EHMT1: variants seen among roughly 807,000 people sequenced by gnomAD.
The protein encoded by EHMT1 is euchromatic histone lysine methyltransferase 1.
EHMT1 carries 15 observed loss-of-function variants against 147.2 expected under a neutral mutation model. The observed-to-expected ratio is 0.10, with a 90% CI of 0.07 to 0.16. The LOEUF is 0.16. EHMT1 is among the 10% of genes least tolerant of loss of function. The pLI is 1.00. For missense variants in EHMT1, 1,587 were observed against 1,772.4 expected (o/e 0.90, Z 1.88); for synonymous variants, 795 against 709.6 (o/e 1.12, Z -1.91).
chr9:137,830,260 C>T (rs1283803993), intron 25 of EHMT1, among the ~76,000 whole-genome samples: 1 of 152,174 alleles, frequency 6.6e-6, no homozygotes, highest in Non-Finnish European at 1.5e-5. Flanking sequence ...ACCCAGGCCT[C>T]CCTTATGTTC....
chr9:137,697,975 C>A (rs937939831), intron 1 of EHMT1, among the ~76,000 whole-genome samples: 1 of 149,432 alleles, frequency 6.7e-6, no homozygotes, highest in Non-Finnish European at 1.5e-5. Context: ...AGGCCTCACT[C>A]CCCACTGTTG....
At chr9:137,673,440 T>C (rs1321016335) in intron 1 of EHMT1, among the ~76,000 whole-genome samples, 1 of 152,232 alleles carries the variant, frequency 6.6e-6, no homozygotes, top group Non-Finnish European at 1.5e-5. Context: ...TCTCATGTTG[T>C]TCTGAAGAGG....
intron 9 of EHMT1, among the ~76,000 whole-genome samples, chr9:137,761,574 C>T (rs1949818684): frequency 6.6e-6 from 1 of 152,174 alleles, no homozygotes; most frequent in Admixed American, 6.5e-5. Context: ...CTGCCTCAGC[C>T]TCCTGAGTAG....
intron 3 of EHMT1, among the ~76,000 whole-genome samples, chr9:137,726,888 G>A (rs12003510): frequency 0.051 from 7,714 of 152,204 alleles, 642 homozygotes; most frequent in African/African-American, 0.17. Flanking sequence ...GGTACTCACC[G>A]TGGTTTTGAT....
intron 1 of EHMT1, among the ~76,000 whole-genome samples, chr9:137,626,806 A>G (rs1417889169): frequency 1.4e-5 from 2 of 144,228 alleles, no homozygotes; most frequent in African/African-American, 5.2e-5. Context: ...TTTTTTTGAG[A>G]CAGAGTTTTG....
intron 14 of EHMT1, among the ~76,000 whole-genome samples, chr9:137,780,150 G>GGCATCTCA (rs1367039169): frequency 2.1e-5 from 3 of 144,060 alleles, no homozygotes; most frequent in African/African-American, 5.3e-5. Context: ...TGGTGATGAC[G>GGCATCTCA]CTGAGATGTG....
chr9:137,632,395 A>G (rs1037964169), intron 1 of EHMT1, among the ~76,000 whole-genome samples: 1 of 152,206 alleles, frequency 6.6e-6, no homozygotes, highest in African/African-American at 2.4e-5. Flanking sequence ...TTGAAAATGC[A>G]GAGGCGAATG....
chr9:137,833,934 T>C, intron 25 of EHMT1: 1 of 249,696 alleles, frequency 4.0e-6, no homozygotes, highest in Non-Finnish European at 7.8e-6. Flanking sequence ...GCTCCATCCC[T>C]CCCGACCCCC....
At chr9:137,778,417 G>A (rs1037698497) in intron 13 of EHMT1, among the ~76,000 whole-genome samples, 37 of 152,222 alleles carry the variant, frequency 2.4e-4, no homozygotes, top group Admixed American at 1.8e-3. Flanking sequence ...TGTGCAATGC[G>A]AGGGTTGGGC....
At chr9:137,790,707 G>A (rs1564768025) in intron 15 of EHMT1, 141 bp from the exon 16 acceptor site, 8 of 1,105,508 alleles carry the variant, frequency 7.2e-6, no homozygotes, top group South Asian at 2.6e-5. Flanking sequence ...CTTTGAATAC[G>A]TGTTTAGAAA....
intron 1 of EHMT1, chr9:137,640,901 AACT>A (rs1844437938): frequency 6.4e-6 from 1 of 156,494 alleles, no homozygotes; most frequent in Non-Finnish European, 1.4e-5. Context: ...AGACCTCAAG[AACT>A]GGGTGAGCAC....
At chr9:137,728,945 C>T (rs761394676) in intron 4 of EHMT1, among the ~76,000 whole-genome samples, 5 of 152,182 alleles carry the variant, frequency 3.3e-5, no homozygotes, top group Admixed American at 1.3e-4. Context: ...CCAGCCACCT[C>T]GCTCCAGGCG....
chr9:137,816,454 C>T (rs919205277), intron 23 of EHMT1: 1 of 342,490 alleles, frequency 2.9e-6, no homozygotes, highest in African/African-American at 2.1e-5. Context: ...CTGGGCTTCC[C>T]TAACAGTGAG....
At chr9:137,755,178 G>A (rs1949285771) in intron 8 of EHMT1, among the ~76,000 whole-genome samples, 1 of 152,320 alleles carries the variant, frequency 6.6e-6, no homozygotes, top group Middle Eastern at 3.4e-3. Context: ...ACAGTCAGAT[G>A]ATCAGTGCCA....
At chr9:137,810,682 C>G (rs1376679943) in intron 18 of EHMT1, among the ~76,000 whole-genome samples, 1 of 151,176 alleles carries the variant, frequency 6.6e-6, no homozygotes, top group Non-Finnish European at 1.5e-5. Flanking sequence ...TAAAAGAGGC[C>G]TTTTTTAAAG....
intron 7 of EHMT1, among the ~76,000 whole-genome samples, chr9:137,753,384 G>A (rs1035897421): frequency 7.9e-5 from 12 of 152,154 alleles, no homozygotes; most frequent in Non-Finnish European, 7.4e-5. Flanking sequence ...TGGGTGTGGC[G>A]CTTGCTGAAA....
intron 1 of EHMT1, among the ~76,000 whole-genome samples, chr9:137,644,524 C>T (rs997794665): frequency 3.9e-5 from 6 of 152,250 alleles, no homozygotes; most frequent in Non-Finnish European, 5.9e-5. Flanking sequence ...GACGGGGTTT[C>T]GCCATATTGG....
intron 4 of EHMT1, among the ~76,000 whole-genome samples, chr9:137,735,096 C>T (rs1947419394): frequency 6.6e-6 from 1 of 152,180 alleles, no homozygotes; most frequent in African/African-American, 2.4e-5. Flanking sequence ...GAGACAAATC[C>T]GTTTAAAAAA....
intron 1 of EHMT1, among the ~76,000 whole-genome samples, chr9:137,686,871 C>T (rs900844571): frequency 1.6e-4 from 24 of 151,976 alleles, no homozygotes; most frequent in African/African-American, 5.1e-4. Flanking sequence ...GCTGGGACTA[C>T]GGGCGCCCGC....
Sources: gnomAD v4.1 joint callset for allele counts (sites outside exome capture counted in the v4.1 genomes callset) on GRCh38, gnomAD v4.1.1 for gene constraint, MANE v1.5 for transcripts, NCBI Gene and HGNC (gene_info 2026-07-23, HGNC 2026-07-21) for gene names.